The following IL31RA variants were observed in gnomAD, a reference collection of about 807,000 sequenced individuals.
IL31RA encodes the protein interleukin-31 receptor subunit alpha.
Under a neutral mutation model 83.7 loss-of-function variants are expected in IL31RA, and 66 were observed. The observed-to-expected ratio is 0.79, with a 90% confidence interval of 0.65 to 0.97. The LOEUF (loss-of-function observed/expected upper bound fraction) is 0.97. Ranked by LOEUF, IL31RA falls within the 50% of genes least tolerant of loss-of-function variation. The pLI, the probability that IL31RA is intolerant of heterozygous loss-of-function variation, is 0.00. For synonymous variants in IL31RA, 325 were observed against 329.0 expected (o/e 0.99, Z 0.13); for missense variants, 798 against 919.4 (o/e 0.87, Z 1.71).
At chr5:55,854,642 G>A (rs1274695645) in intron 1 of IL31RA, among the ~76,000 whole-genome samples, 1 of 151,892 alleles carries the variant, frequency 6.6e-6, no homozygotes, top group African/African-American at 2.4e-5. Context: ...CTACTTGGGA[G>A]GCTGAGGCAG....
chr5:55,846,061 T>C, the IL31RA span, among the ~76,000 whole-genome samples: 1 of 152,172 alleles, frequency 6.6e-6, no homozygotes, highest in Non-Finnish European at 1.5e-5. Context: ...ATAATTCAGG[T>C]TTTCCTACCC....
chr5:55,842,177 C>T, the IL31RA span, among the ~76,000 whole-genome samples: 2 of 152,192 alleles, frequency 1.3e-5, no homozygotes, highest in African/African-American at 4.8e-5. Context: ...TACTTAGTCA[C>T]GTGGTTTTTC....
rs1363797367 is a variant in IL31RA at position 55,920,840 on chromosome 5, T to C, written c.*3720T>C. 6.6e-6 allele frequency among the ~76,000 whole-genome samples: 1 copy of C among 152,082 alleles called. No homozygotes were observed. Among genetic ancestry groups the C allele is most frequent in the Non-Finnish European group, 1.5e-5 (1 of 68,000 alleles). ...CCCTTCCCATAGCTAAGGTCGAGAG[T>C]TGGTGGCTTACACCAGTGGTCTTTC... On this transcript the variant is annotated 3_prime_UTR_variant, in exon 15 of 15. Coordinates refer to ENST00000652347, the MANE Select transcript of IL31RA (RefSeq NM_139017.7).
chr5:55,889,491 A>G (rs1016410252), intron 5 of IL31RA, among the ~76,000 whole-genome samples: 1 of 152,228 alleles, frequency 6.6e-6, no homozygotes, highest in Non-Finnish European at 1.5e-5. Flanking sequence ...TATTCTGTAG[A>G]TCTTCTAACT....
intron 8 of IL31RA, among the ~76,000 whole-genome samples, chr5:55,901,646 G>A (rs1158611283): frequency 2.0e-5 from 3 of 149,964 alleles, no homozygotes; most frequent in Non-Finnish European, 4.4e-5. Flanking sequence ...ATGGAGTTTC[G>A]CTCTTGTTGC....
In IL31RA at chr5:55,916,767, C is replaced by G; in HGVS notation, c.1942C>G (p.Leu648Val). 6.2e-7 allele frequency: 1 copy of G among 1,614,168 alleles called. No individual in the cohort carries two copies. ...DKLVVNFGNV[L>V]QEIFTDEART... The stretch of plus-strand genomic sequence containing the variant: ...GTTGGTGGTGAACTTTGGGAATGTT[C>G]TGCAAGAAATTTTCACAGATGAAGC... The change falls in exon 15 of 15, where the codon CTG (leucine) becomes GTG (valine). Residue 648 changes from leucine (L) to valine (V), a missense_variant. Physicochemically the swap from Leu to Val is conservative, Grantham distance 32 (BLOSUM62 1). Coordinates refer to ENST00000652347, the MANE Select transcript of IL31RA (RefSeq NM_139017.7).
chr5:55,847,690 C>A (rs1744969468), upstream of IL31RA, among the ~76,000 whole-genome samples: 1 of 152,172 alleles, frequency 6.6e-6, no homozygotes, highest in African/African-American at 2.4e-5. Flanking sequence ...AACTAAAAAC[C>A]AGATCATGAA....
chr5:55,918,379 G>A lies in IL31RA; in HGVS notation c.*1259G>A, dbSNP rs916099996. On this transcript the variant is annotated 3_prime_UTR_variant, in exon 15 of 15. Coordinates refer to ENST00000652347, the MANE Select transcript of IL31RA (RefSeq NM_139017.7). ...AACTTCGCAAGCCACCCACTCAGGT[G>A]TGCAAAACATCACTTTACTTTCCTA... Among the ~76,000 whole-genome samples, 1 of 152,172 alleles carries A rather than the reference G, an allele frequency of 6.6e-6. No homozygotes were observed. The highest frequency in any genetic ancestry group is 1.5e-5 in the Non-Finnish European group (1 of 68,028).
chr5:55,905,616 G>A (rs1376632878), intron 8 of IL31RA, among the ~76,000 whole-genome samples: 1 of 152,162 alleles, frequency 6.6e-6, no homozygotes, highest in African/African-American at 2.4e-5. Flanking sequence ...TGCAATATTT[G>A]CTGCCTTGAG....
chr5:55,860,214 C>CAA (rs1269325993), intron 2 of IL31RA, among the ~76,000 whole-genome samples: 1 of 151,880 alleles, frequency 6.6e-6, no homozygotes, highest in African/African-American at 2.4e-5. Context: ...ACTAAAAATA[C>CAA]AAAAATTAAC....
At chr5:55,879,700 G>A (rs1280419287) in intron 4 of IL31RA, among the ~76,000 whole-genome samples, 1 of 149,838 alleles carries the variant, frequency 6.7e-6, no homozygotes, top group Non-Finnish European at 1.5e-5. Context: ...AAAGTGCTGG[G>A]ATTACAGGCA....
chr5:55,858,126 T>C (rs1745463508), intron 1 of IL31RA, among the ~76,000 whole-genome samples: 1 of 152,214 alleles, frequency 6.6e-6, no homozygotes, highest in Non-Finnish European at 1.5e-5. Flanking sequence ...TAAAAATATT[T>C]TAATATTTTA....
chr5:55,867,149 ATGTGTGTTTGTGTGTGTGCATG>A (rs1561542991), intron 2 of IL31RA, among the ~76,000 whole-genome samples: 32 of 71,156 alleles, frequency 4.5e-4, no homozygotes, highest in Non-Finnish European at 4.6e-4. Context: ...GTGTGTGTGC[ATGTGTGTTTGTGTGTGTGCATG>A]TGTGTGTGCA....
At position 55,908,248 on chromosome 5, in the gene IL31RA, C is replaced by T; in HGVS notation, c.1355-17C>T. On this transcript the variant is annotated splice_polypyrimidine_tract_variant and intron_variant, in intron 10 of 14. Coordinates refer to ENST00000652347, the MANE Select transcript of IL31RA (RefSeq NM_139017.7). ...GTGCGGTTCAGTGATTATCATTTAT[C>T]CCTCTGTCCTTTCCAGTTCCATCAG... The T allele has an allele frequency of 6.2e-7, 1 of 1,613,934 alleles. No homozygotes were observed. The highest frequency in any genetic ancestry group is 8.5e-7 in the Non-Finnish European group (1 of 1,180,038).
At chr5:55,880,340 T>A (rs1434549587) in intron 4 of IL31RA, among the ~76,000 whole-genome samples, 2 of 152,158 alleles carry the variant, frequency 1.3e-5, no homozygotes, top group Admixed American at 6.5e-5. Flanking sequence ...TAAGTAGGGA[T>A]TTTGCTTTCT....
the IL31RA span, among the ~76,000 whole-genome samples, chr5:55,844,152 C>T: frequency 6.6e-6 from 1 of 151,950 alleles, no homozygotes; most frequent in Non-Finnish European, 1.5e-5. Context: ...AATGTCTCCT[C>T]AGAAATCATA....
chr5:55,898,880 C>T (rs1035061332), intron 7 of IL31RA, among the ~76,000 whole-genome samples: 3 of 152,006 alleles, frequency 2.0e-5, no homozygotes, highest in African/African-American at 2.4e-5. Flanking sequence ...AAAAATTAGT[C>T]GGGCATGGTG....
chr5:55,854,647 A>G (rs1745247578), intron 1 of IL31RA, among the ~76,000 whole-genome samples: 1 of 151,906 alleles, frequency 6.6e-6, no homozygotes, highest in East Asian at 1.9e-4. Flanking sequence ...TGGGAGGCTG[A>G]GGCAGGAGAA....
At chr5:55,847,559 G>A (rs2112250749), upstream of IL31RA, among the ~76,000 whole-genome samples, 1 of 152,144 alleles carries the variant, frequency 6.6e-6, no homozygotes, top group East Asian at 1.9e-4. Flanking sequence ...TCCAGCCTGG[G>A]TGACACAGCA....
Sources: gnomAD v4.1 joint callset for allele counts (sites outside exome capture counted in the v4.1 genomes callset) on GRCh38, gnomAD v4.1.1 for gene constraint, MANE v1.5 for transcripts, NCBI Gene and HGNC (gene_info 2026-07-23, HGNC 2026-07-21) for gene names.